The following CTNNA3 variants were observed in gnomAD, a reference collection of about 807,000 sequenced individuals.
CTNNA3 encodes catenin alpha 3, also known as catenin alpha-3.
Under a neutral mutation model 95.7 loss-of-function variants are expected in CTNNA3, and 76 were observed. The ratio of observed to expected loss-of-function variants is 0.79; its 90% CI spans 0.66 to 0.96. CTNNA3 has a LOEUF of 0.96. CTNNA3 is among the 40% of genes least tolerant of loss of function. The pLI is 0.00. For missense variants in CTNNA3, 1,191 were observed against 1,089.8 expected (o/e 1.09, Z -1.31); for synonymous variants, 431 against 374.4 (o/e 1.15, Z -1.74).
intron 15 of CTNNA3, among the ~76,000 whole-genome samples, chr10:66,023,091 T>C (rs1352361189): frequency 2.6e-5 from 2 of 77,582 alleles, no homozygotes; most frequent in Admixed American, 1.4e-4. Flanking sequence ...AGTCAAAGTT[T>C]TTAAACCAAC....
intron 9 of CTNNA3, among the ~76,000 whole-genome samples, chr10:66,736,873 A>C (rs1849161890): frequency 6.6e-6 from 1 of 152,200 alleles, no homozygotes; most frequent in Non-Finnish European, 1.5e-5. Flanking sequence ...AAATCACATT[A>C]CTGTTTTGGT....
intron 9 of CTNNA3, among the ~76,000 whole-genome samples, chr10:66,624,404 G>C (rs1244652213): frequency 6.6e-6 from 1 of 151,800 alleles, no homozygotes; most frequent in African/African-American, 2.4e-5. Flanking sequence ...GAAAGAAAAA[G>C]AAAAGAAAAA....
rs913947355 is a variant in CTNNA3 at position 67,267,177 on chromosome 10, G to A, written c.580-47307C>T. On this transcript the variant is annotated intron_variant, in intron 5 of 17. Transcript: ENST00000433211. ...AACAATTCTTAACTCTGGATAAAAC[G>A]AAAAGAAATATAAGAACAAACTGTA... Among the ~76,000 whole-genome samples the A allele has an allele frequency of 3.3e-5, 5 of 152,036 alleles. No individual in the cohort carries two copies. The East Asian group carries it at 7.7e-4, about 23-fold the overall frequency.
At chr10:66,539,564 A>T (rs1841776097) in intron 10 of CTNNA3, among the ~76,000 whole-genome samples, 1 of 152,066 alleles carries the variant, frequency 6.6e-6, no homozygotes, top group Non-Finnish European at 1.5e-5. Context: ...TTTATATGAG[A>T]GGCCAGCAAA....
At chr10:66,199,780 TATATATATATATATATATA>T (rs2087217871) in intron 13 of CTNNA3, among the ~76,000 whole-genome samples, 1 of 10,614 alleles carries the variant, frequency 9.4e-5, no homozygotes, top group Non-Finnish European at 2.2e-4. Flanking sequence ...TATATATATA[TATATATATATATATATATA>T]TATATATTTT....
At chr10:66,372,584 T>C (rs969613125) in intron 12 of CTNNA3, among the ~76,000 whole-genome samples, 2 of 152,186 alleles carry the variant, frequency 1.3e-5, no homozygotes, top group African/African-American at 2.4e-5. Context: ...TCAAAGTTAC[T>C]GTATTAGTCT....
At chr10:67,183,039 A>G (rs1194261947) in intron 6 of CTNNA3, among the ~76,000 whole-genome samples, 4 of 152,152 alleles carry the variant, frequency 2.6e-5, no homozygotes, top group African/African-American at 9.7e-5. Flanking sequence ...TCAAGAAACA[A>G]CAGGTGCTGG....
chr10:67,531,124 AGGAAG>A (rs1457626698), intron 4 of CTNNA3, among the ~76,000 whole-genome samples: 30 of 152,352 alleles, frequency 2.0e-4, no homozygotes, highest in African/African-American at 6.7e-4. Context: ...AACCTCTGTT[AGGAAG>A]AGTGGAAGGG....
chr10:66,907,478 C>T (rs948411863), intron 7 of CTNNA3, among the ~76,000 whole-genome samples: 1 of 152,058 alleles, frequency 6.6e-6, no homozygotes, highest in African/African-American at 2.4e-5. Flanking sequence ...TATGTGCTGA[C>T]AACTGTATTG....
chr10:66,933,130 G>A (rs995975138), intron 7 of CTNNA3, among the ~76,000 whole-genome samples: 2 of 152,188 alleles, frequency 1.3e-5, no homozygotes, highest in African/African-American at 4.8e-5. Context: ...ACTGAGTGGG[G>A]TTTGTTGTTC....
rs1380601435 is a variant in CTNNA3, at chr10:67,373,309, G to C, written c.579+148533C>G. Reference sequence around the variant, plus strand: ...CCAAGCAAATGGAAAACAAAAAAAAGGCAGGGATTGCAATCTTAGTCTCTG... The same window carrying C: ...CCAAGCAAATGGAAAACAAAAAAAACGCAGGGATTGCAATCTTAGTCTCTG... On this transcript the variant is annotated intron_variant, in intron 5 of 17. Transcript: ENST00000433211. 3.3e-5 allele frequency among the ~76,000 whole-genome samples: 5 copies of C among 152,072 alleles called. No homozygotes were observed. In the East Asian group the frequency reaches 9.6e-4, roughly 29 times the overall value.
At chr10:67,036,036 C>T (rs1480566179) in intron 7 of CTNNA3, among the ~76,000 whole-genome samples, 1 of 152,160 alleles carries the variant, frequency 6.6e-6, no homozygotes, top group African/African-American at 2.4e-5. Context: ...AGTATGGCTA[C>T]TGAATTTGCA....
intron 12 of CTNNA3, among the ~76,000 whole-genome samples, chr10:66,333,096 A>C (rs1281582737): frequency 6.0e-5 from 9 of 150,320 alleles, no homozygotes; most frequent in Non-Finnish European, 7.4e-5. Context: ...TTTTTTATTG[A>C]ATCTATTTGA....
chr10:67,756,410 T>C (rs1487415328), intron 1 of CTNNA3, among the ~76,000 whole-genome samples: 1 of 152,224 alleles, frequency 6.6e-6, no homozygotes, highest in East Asian at 1.9e-4. Context: ...ACAAATCATG[T>C]ATTAAATTAT....
At chr10:66,604,027 T>G (rs1228491130) in intron 10 of CTNNA3, among the ~76,000 whole-genome samples, 2 of 152,000 alleles carry the variant, frequency 1.3e-5, no homozygotes, top group Non-Finnish European at 2.9e-5. Context: ...GGGCAAAGAT[T>G]TTTTTAGGTA....
chr10:66,865,190 C>T (rs115229306), intron 7 of CTNNA3, among the ~76,000 whole-genome samples: 2,403 of 142,748 alleles, frequency 0.017, 29 homozygotes, highest in African/African-American at 0.033. Context: ...TATCATTTAA[C>T]AGGCATGGGG....
intron 7 of CTNNA3, among the ~76,000 whole-genome samples, chr10:67,025,372 G>A (rs1589622147): frequency 6.7e-6 from 1 of 150,102 alleles, no homozygotes; most frequent in Non-Finnish European, 1.5e-5. Context: ...ACATGGTTTT[G>A]TAAAGGCCAC....
intron 5 of CTNNA3, among the ~76,000 whole-genome samples, chr10:67,328,184 G>A (rs1841627067): frequency 6.6e-6 from 1 of 152,202 alleles, no homozygotes; most frequent in South Asian, 2.1e-4. Context: ...AAAGAAAGCT[G>A]CAGTATGGGA....
intron 8 of CTNNA3, among the ~76,000 whole-genome samples, chr10:66,770,164 G>A (rs1319218518): frequency 6.6e-6 from 1 of 152,236 alleles, no homozygotes; most frequent in African/African-American, 2.4e-5. Context: ...TAGAAATGTA[G>A]GTAGGGACAA....
Sources: allele counts gnomAD v4.1 joint callset (sites outside exome capture counted in the v4.1 genomes callset), GRCh38; gene constraint gnomAD v4.1.1; transcripts MANE v1.5; gene names NCBI Gene and HGNC (gene_info 2026-07-23, HGNC 2026-07-21).